ANO2: variants seen among roughly 807,000 people sequenced by gnomAD.
The protein encoded by ANO2 is anoctamin 2.
ANO2 carries 101 observed loss-of-function variants against 124.2 expected under a neutral mutation model. The observed-to-expected ratio is 0.81, with a 90% confidence interval of 0.69 to 0.96. The LOEUF (loss-of-function observed/expected upper bound fraction) is 0.96, where lower values mean the gene tolerates loss of function less well. ANO2 is among the 40% of genes least tolerant of loss of function. ANO2 has a pLI of 0.00. For missense variants in ANO2, 1,293 were observed against 1,274.5 expected, an observed-to-expected ratio of 1.01 and a Z score of -0.22; for synonymous variants, 486 against 482.5, an observed-to-expected ratio of 1.01 and a Z score of -0.09.
chr12:5,931,016 T>C (rs1342367466), intron 1 of ANO2, among the ~76,000 whole-genome samples: 1 of 152,168 alleles, frequency 6.6e-6, no homozygotes, highest in African/African-American at 2.4e-5. Flanking sequence ...TCCCCTCTGA[T>C]AGAAGTAAGC....
intron 20 of ANO2, among the ~76,000 whole-genome samples, chr12:5,582,631 A>ATAT (rs1942814992): frequency 6.6e-6 from 1 of 152,198 alleles, no homozygotes; most frequent in Non-Finnish European, 1.5e-5. Flanking sequence ...TTCAGTGAAC[A>ATAT]TATCCAGAAC....
chr12:5,806,779 G>C lies in ANO2; in HGVS notation c.948+534C>G, dbSNP rs575328765. Among the ~76,000 whole-genome samples, 24 of 152,312 alleles carry C rather than the reference G, an allele frequency of 1.6e-4. No homozygotes were observed. The South Asian group carries it at 4.8e-3, about 30-fold the overall frequency. On this transcript the variant is annotated intron_variant, in intron 8 of 24. Coordinates refer to ENST00000682330, the MANE Select transcript of ANO2 (RefSeq NM_001364791.2). Reference sequence around the variant, plus strand: ...AAGCATTGTACAAGGAATTCTGAGAGATTTTCTTCAAAAAAAATTTTTTTT... The same window carrying C: ...AAGCATTGTACAAGGAATTCTGAGACATTTTCTTCAAAAAAAATTTTTTTT...
rs562498655 is a variant in ANO2, at chr12:5,825,095, T to C, written c.892+2674A>G. ...ATATCAACTACCATCCGTGGACTCA[T>C]AGAATGTCTTATCCACTATCATGGT... is the stretch of plus-strand genomic sequence containing the variant. On this transcript the variant is annotated intron_variant, in intron 7 of 24. Transcript: ENST00000682330. 2.3e-3 allele frequency among the ~76,000 whole-genome samples: 345 copies of C among 152,286 alleles called. 1 individual carries two copies. The highest frequency in any genetic ancestry group is 7.8e-3 in the African/African-American group (324 of 41,556).
rs537743208 is a variant in ANO2, at chr12:5,646,424, G to A, written c.1620+1303C>T. On this transcript the variant is annotated intron_variant, in intron 15 of 24. Transcript: ENST00000682330. Reference sequence around the variant, plus strand: ...TAACCTACTACTACTGGAGATAGAAGTTTATTTTTACCTATTTTTTATTAT... The same window carrying A: ...TAACCTACTACTACTGGAGATAGAAATTTATTTTTACCTATTTTTTATTAT... Among the ~76,000 whole-genome samples the A allele has an allele frequency of 1.1e-3, 172 of 152,228 alleles. 1 individual carries two copies. The highest frequency in any genetic ancestry group is 1.4e-3 in the Non-Finnish European group (92 of 68,026).
At chr12:5,878,896 G>A (rs1432956217) in intron 3 of ANO2, among the ~76,000 whole-genome samples, 8 of 152,154 alleles carry the variant, frequency 5.3e-5, no homozygotes, top group East Asian at 1.9e-4. Flanking sequence ...GGGAACAAAC[G>A]CATACCTTAT....
intron 16 of ANO2, among the ~76,000 whole-genome samples, chr12:5,629,651 C>T (rs556361109): frequency 6.6e-6 from 1 of 152,318 alleles, no homozygotes; most frequent in Admixed American, 6.5e-5. Context: ...TGTATCCCCT[C>T]CTGGAGTGAA....
chr12:5,930,716 A>T (rs75933780), intron 1 of ANO2, among the ~76,000 whole-genome samples: 5,921 of 152,196 alleles, frequency 0.039, 162 homozygotes, highest in South Asian at 0.11. Flanking sequence ...AACAGCCAAA[A>T]TTTGAAGCTC....
intron 17 of ANO2, among the ~76,000 whole-genome samples, chr12:5,614,230 A>C (rs966974663): frequency 6.6e-5 from 10 of 152,208 alleles, no homozygotes; most frequent in Admixed American, 5.2e-4. Flanking sequence ...TTTGTCCCCG[A>C]TTCCTGCATG....
chr12:5,719,083 C>A (rs187849984), intron 14 of ANO2, among the ~76,000 whole-genome samples: 1 of 152,324 alleles, frequency 6.6e-6, no homozygotes, highest in Admixed American at 6.5e-5. Context: ...GATTGTCTGA[C>A]TAGATCTTAA....
chr12:5,826,190 T>C (rs1953948545), intron 7 of ANO2, among the ~76,000 whole-genome samples: 1 of 152,196 alleles, frequency 6.6e-6, no homozygotes, highest in African/African-American at 2.4e-5. Context: ...CATTTCCGGT[T>C]GTACGAAGGA....
chr12:5,629,099 T>C (rs918321771), intron 16 of ANO2, among the ~76,000 whole-genome samples: 1 of 152,134 alleles, frequency 6.6e-6, no homozygotes, highest in East Asian at 1.9e-4. Context: ...TGACTAATAC[T>C]CTTTTTTCAA....
chr12:5,797,775 T>C (rs1952909254), intron 10 of ANO2, among the ~76,000 whole-genome samples: 4 of 151,942 alleles, frequency 2.6e-5, no homozygotes, highest in Admixed American at 2.6e-4. Context: ...ACCGTGGGAG[T>C]GTTCCAGGCC....
chr12:5,656,594 C>T (rs912353151), intron 14 of ANO2, among the ~76,000 whole-genome samples: 1 of 152,184 alleles, frequency 6.6e-6, no homozygotes, highest in African/African-American at 2.4e-5. Flanking sequence ...CCCACTGTAC[C>T]TATTGATTTT....
chr12:5,764,126 C>T lies in ANO2; in HGVS notation c.1056-13156G>A, dbSNP rs146590820. ...TAAGAGGTAACAAACACAAACTTCC[C>T]TAATGCTTTCATCTTGATCATCTTG... On this transcript the variant is annotated intron_variant, in intron 10 of 24. Coordinates refer to ENST00000682330, the MANE Select transcript of ANO2 (RefSeq NM_001364791.2). Among the ~76,000 whole-genome samples, 144 of 152,302 alleles carry T rather than the reference C, an allele frequency of 9.5e-4. 2 individuals are homozygous for T. The East Asian group carries it at 0.021, about 22-fold the overall frequency.
chr12:5,730,968 T>C (rs1170017639), intron 14 of ANO2, among the ~76,000 whole-genome samples: 1 of 152,264 alleles, frequency 6.6e-6, no homozygotes, highest in Non-Finnish European at 1.5e-5. Flanking sequence ...TTATTCATGG[T>C]TCCTGAAAGT....
chr12:5,850,057 C>G (rs968730222), intron 4 of ANO2, among the ~76,000 whole-genome samples: 10 of 152,044 alleles, frequency 6.6e-5, no homozygotes, highest in African/African-American at 2.2e-4. Flanking sequence ...CAAGTTATAT[C>G]CCCCCTCATC....
At chr12:5,803,140 C>T (rs916378686) in intron 9 of ANO2, among the ~76,000 whole-genome samples, 1 of 152,188 alleles carries the variant, frequency 6.6e-6, no homozygotes, top group Admixed American at 6.5e-5. Flanking sequence ...GATGCTATAG[C>T]CACCTTGGAG....
intron 20 of ANO2, among the ~76,000 whole-genome samples, chr12:5,598,275 C>T (rs1943759411): frequency 6.6e-6 from 1 of 152,184 alleles, no homozygotes; most frequent in African/African-American, 2.4e-5. Context: ...CTGAATTAAA[C>T]ATTGAGTGAT....
At chr12:5,921,451 A>G (rs1941698860) in intron 2 of ANO2, 85 bp from the exon 3 acceptor site, 2 of 1,363,182 alleles carry the variant, frequency 1.5e-6, no homozygotes, top group Non-Finnish European at 2.0e-6. Flanking sequence ...CTCTGGGCTC[A>G]GGGAAACGGA....
Sources: allele counts gnomAD v4.1 joint callset (sites outside exome capture counted in the v4.1 genomes callset), GRCh38; gene constraint gnomAD v4.1.1; transcripts MANE v1.5; gene names NCBI Gene and HGNC (gene_info 2026-07-23, HGNC 2026-07-21).